HMCN2: variants seen among roughly 807,000 people sequenced by gnomAD.
HMCN2 encodes the protein hemicentin 2.
In HMCN2, 325 loss-of-function variants were observed where a neutral mutation model predicts 377.5. The ratio of observed to expected loss-of-function variants is 0.86; its 90% CI spans 0.79 to 0.94. The LOEUF is 0.94. Ranked by LOEUF, HMCN2 falls within the 40% of genes least tolerant of loss-of-function variation. HMCN2 has a pLI of 0.00. For synonymous variants in HMCN2, 2,007 were observed against 2,046.8 expected (o/e 0.98, Z 0.53); for missense variants, 4,543 against 4,725.3 (o/e 0.96, Z 1.13).
intron 82 of HMCN2, chr9:130,407,245 T>G: frequency 5.5e-6 from 1 of 182,550 alleles, no homozygotes; most frequent in Non-Finnish European, 1.2e-5. Flanking sequence ...AGTGAAACTG[T>G]CTCAAAGAAA....
At chr9:130,373,934 A>G (rs937899333) in intron 48 of HMCN2, among the ~76,000 whole-genome samples, 1 of 146,170 alleles carries the variant, frequency 6.8e-6, no homozygotes, top group African/African-American at 2.5e-5. Context: ...GTGGCTGAAT[A>G]AAAGGATAGG....
intron 1 of HMCN2, among the ~76,000 whole-genome samples, chr9:130,273,110 G>A (rs1834491172): frequency 6.6e-6 from 1 of 150,830 alleles, no homozygotes; most frequent in Admixed American, 6.6e-5. Context: ...GTTTTTCTTT[G>A]TAAAGATTCA....
intron 42 of HMCN2, 73 bp from the exon 43 acceptor site, chr9:130,365,803 C>T: frequency 2.0e-6 from 2 of 980,698 alleles, no homozygotes; most frequent in Non-Finnish European, 2.4e-6. Context: ...CCTCCTCCAG[C>T]CTGCCCTCGC....
rs908928450 is a variant in HMCN2 at position 130,353,909 on chromosome 9, C to T, written c.4864+704C>T. On this transcript the variant is annotated intron_variant, in intron 31 of 97. Coordinates refer to ENST00000683500, the MANE Select transcript of HMCN2 (RefSeq NM_001291815.2). ...GCTGATAGGGGTCAGCCTGGCCCCC[C>T]GTGGGGAGTCACTTTGGGAGCTCTG... 8.5e-5 allele frequency among the ~76,000 whole-genome samples: 13 copies of T among 152,168 alleles called. No individual in the cohort carries two copies. In the East Asian group the frequency reaches 2.1e-3, roughly 25 times the overall value.
At chr9:130,331,087 G>A (rs1838400983) in intron 22 of HMCN2, among the ~76,000 whole-genome samples, 1 of 151,602 alleles carries the variant, frequency 6.6e-6, no homozygotes, top group African/African-American at 2.4e-5. Flanking sequence ...GAACCTGGGA[G>A]GTGAAGGTTG....
At chr9:130,333,304 A>C (rs1456756765) in intron 22 of HMCN2, among the ~76,000 whole-genome samples, 1 of 152,068 alleles carries the variant, frequency 6.6e-6, no homozygotes, top group African/African-American at 2.4e-5. Flanking sequence ...GGCAGCAGGG[A>C]AGGCTTCCCT....
chr9:130,332,916 C>T (rs1041593583), intron 22 of HMCN2, among the ~76,000 whole-genome samples: 7 of 152,150 alleles, frequency 4.6e-5, no homozygotes, highest in East Asian at 1.9e-4. Flanking sequence ...CCACGGCCGC[C>T]GGCCCTGCTC....
intron 16 of HMCN2, among the ~76,000 whole-genome samples, chr9:130,320,015 A>G (rs1323300464): frequency 6.6e-6 from 1 of 152,160 alleles, no homozygotes. Flanking sequence ...ATAAGCTACT[A>G]TGATTACCAT....
chr9:130,424,859 C>T lies in HMCN2; in HGVS notation c.13465C>T (p.His4489Tyr), dbSNP rs1375947033. 2.7e-6 allele frequency: 4 copies of T among 1,473,666 alleles called. No individual in the cohort carries two copies. The highest frequency in any genetic ancestry group is 3.6e-6 in the Non-Finnish European group (4 of 1,107,538). The allele number at this position is 1,473,666 out of a possible 1,614,324, so 91.3% of individuals were successfully genotyped here. ...ARESGEALNG[H>Y]SLTGGRFRQE... The stretch of plus-strand genomic sequence containing the variant: ...AGAGAGTGGGGAAGCCCTGAATGGC[C>T]ACTCTCTGACTGGGGGCAGGTTCCG... Residue 4489 changes from histidine (H) to tyrosine (Y), a missense_variant, in exon 88 of 98, where the codon CAC becomes TAC. This residue lies in a region of HMCN2 where 1,155 missense variants were observed against 1,157.7 expected (regional missense o/e 1.00). Transcript: ENST00000683500.
chr9:130,406,175 G>T lies in HMCN2; in HGVS notation c.12553+7G>T, dbSNP rs545728101. On this transcript the variant is annotated splice_region_variant and intron_variant, in intron 82 of 97. Coordinates refer to ENST00000683500, the MANE Select transcript of HMCN2 (RefSeq NM_001291815.2). Reference sequence around the variant, plus strand: ...AACGACCGGCCAGTCACAGGTCTGGGTCTGCTGGGCATGGGTGGGACAGAG... The same window carrying T: ...AACGACCGGCCAGTCACAGGTCTGGTTCTGCTGGGCATGGGTGGGACAGAG... 4 of 1,289,770 alleles carry T rather than the reference G, an allele frequency of 3.1e-6. No homozygotes were observed. The East Asian group carries it at 1.7e-4, about 54-fold the overall frequency. The allele number at this position is 1,289,770 out of a possible 1,614,324, so 79.9% of individuals were successfully genotyped here.
At chr9:130,269,929 G>A (rs1468166261) in intron 1 of HMCN2, among the ~76,000 whole-genome samples, 2 of 148,120 alleles carry the variant, frequency 1.4e-5, no homozygotes, top group African/African-American at 4.9e-5. Flanking sequence ...TCCTGCCTCA[G>A]CCTCCTGAGT....
intron 4 of HMCN2, among the ~76,000 whole-genome samples, chr9:130,293,279 G>GTTTTTTTTTTTTTTTTTT (rs71387339): frequency 0.017 from 994 of 57,088 alleles, 162 homozygotes; most frequent in African/African-American, 0.035. Flanking sequence ...ACTCACTAAA[G>GTTTTTTTTTTTTTTTTTT]TTTTTTTTTT....
intron 61 of HMCN2, among the ~76,000 whole-genome samples, chr9:130,388,127 G>A (rs905714956): frequency 1.3e-5 from 2 of 152,172 alleles, no homozygotes; most frequent in African/African-American, 4.8e-5. Flanking sequence ...GAGCAGGAGA[G>A]AGTGTTGGGA....
chr9:130,337,065 C>G (rs1227977990), intron 22 of HMCN2, among the ~76,000 whole-genome samples: 1 of 152,160 alleles, frequency 6.6e-6, no homozygotes, highest in Non-Finnish European at 1.5e-5. Context: ...TTGAGGCCAG[C>G]TAGGGTCAGT....
intron 14 of HMCN2, among the ~76,000 whole-genome samples, chr9:130,309,392 A>G (rs1837089063): frequency 6.6e-6 from 1 of 151,818 alleles, no homozygotes; most frequent in African/African-American, 2.4e-5. Context: ...GTGTGTGCCT[A>G]TAATCCCAGA....
chr9:130,307,950 T>C (rs1435610214), intron 14 of HMCN2, among the ~76,000 whole-genome samples: 4 of 152,128 alleles, frequency 2.6e-5, no homozygotes, highest in African/African-American at 9.7e-5. Context: ...TATTTTTTTG[T>C]TTTATTTATT....
At position 130,400,843 on chromosome 9, in the gene HMCN2, T is replaced by C. The variant is rs376581190; in HGVS notation, c.11666T>C (p.Val3889Ala). The C allele has an allele frequency of 2.3e-6, 3 of 1,289,526 alleles. No individual in the cohort carries two copies. The highest frequency in any genetic ancestry group is 1.0e-6 in the Non-Finnish European group (1 of 988,762). 79.9% of individuals were successfully genotyped at this position (1,289,526 alleles called of 1,614,324 possible). A position where few individuals can be genotyped will look rare whatever the true frequency, so the allele number is the denominator to read the frequency against. The change falls in exon 77 of 98, where the codon GTC becomes GCC. Residue 3889 changes from valine (V) to alanine (A), a missense_variant. Transcript: ENST00000683500. Reference protein sequence around the residue: ...DFTVTMMAPVVLTCHSTGIPA... With the variant: ...DFTVTMMAPVALTCHSTGIPA... ...ACCGTGACCATGATGGCACCTGTGG[T>C]CCTCACATGTCACAGCACGGGTATA...
At chr9:130,420,375 G>A (rs139055262) in intron 86 of HMCN2, among the ~76,000 whole-genome samples, 55 of 152,052 alleles carry the variant, frequency 3.6e-4, no homozygotes, top group African/African-American at 1.2e-3. Context: ...CGCCCGGCCC[G>A]TCCCACTTCT....
chr9:130,410,713 T>C, intron 85 of HMCN2, 61 bp downstream of exon 85: 1 of 1,442,082 alleles, frequency 6.9e-7, no homozygotes, highest in Non-Finnish European at 9.5e-7. Flanking sequence ...AGCGGTGGCG[T>C]GTGCAGCCTA....
Sources: allele counts gnomAD v4.1 joint callset (sites outside exome capture counted in the v4.1 genomes callset), GRCh38; gene constraint gnomAD v4.1.1; regional missense constraint gnomAD v4.1.1; transcripts MANE v1.5; gene names NCBI Gene and HGNC (gene_info 2026-07-23, HGNC 2026-07-21).